Variants in TBXAS1 observed in about 807,000 individuals in gnomAD.
TBXAS1 encodes the protein thromboxane A synthase 1.
TBXAS1 carries 48 observed loss-of-function variants against 60.7 expected under a neutral mutation model. That is an observed-to-expected ratio of 0.79 (90% CI 0.63 to 1.01). The LOEUF (loss-of-function observed/expected upper bound fraction) is 1.01, where lower values mean the gene tolerates loss of function less well. Among genes scored for constraint, TBXAS1 ranks in the 50% least tolerant of loss-of-function variants. The pLI, the probability that TBXAS1 is intolerant of heterozygous loss-of-function variation, is 0.00. For missense variants in TBXAS1, 685 were observed against 686.3 expected (o/e 1.00, Z 0.02); for synonymous variants, 287 against 269.7 (o/e 1.06, Z -0.63).
intron 3 of TBXAS1, among the ~76,000 whole-genome samples, chr7:139,897,608 A>G (rs78414023): frequency 0.026 from 3,900 of 152,246 alleles, 158 homozygotes; most frequent in African/African-American, 0.089. Context: ...AAGTCTGGCC[A>G]GGAAGAGGAC....
chr7:139,876,995 A>C (rs1387365253), intron 3 of TBXAS1, among the ~76,000 whole-genome samples: 1 of 152,108 alleles, frequency 6.6e-6, no homozygotes, highest in Non-Finnish European at 1.5e-5. Context: ...AAGGGCAAAG[A>C]CTCAAGAGAG....
intron 11 of TBXAS1, chr7:140,016,326 T>TA (rs978996989): frequency 3.7e-4 from 81 of 216,158 alleles, no homozygotes; most frequent in African/African-American, 1.0e-3. Context: ...AGACTCTGTC[T>TA]AAAAAAAAAT....
chr7:139,850,820 T>C (rs1800166280), intron 1 of TBXAS1, among the ~76,000 whole-genome samples: 1 of 152,046 alleles, frequency 6.6e-6, no homozygotes. Context: ...GGGATGCATC[T>C]ACAAGCCAAA....
chr7:139,993,755 G>A lies in TBXAS1; in HGVS notation c.1135-13336G>A, dbSNP rs543554164. ...CGCATCCCAAGGCCTGAGGTCTAAC[G>A]CTGCCTCTGCCCCCTCCTTTGCTGT... On this transcript the variant is annotated intron_variant, in intron 9 of 12. Coordinates refer to ENST00000448866, the MANE Select transcript of TBXAS1 (RefSeq NM_001061.7). Among the ~76,000 whole-genome samples the A allele has an allele frequency of 4.6e-5, 7 of 152,154 alleles. No individual in the cohort carries two copies. The South Asian group carries it at 6.2e-4, about 13-fold the overall frequency.
chr7:139,886,386 ATTT>A (rs8192818), intron 3 of TBXAS1, among the ~76,000 whole-genome samples: 41 of 99,638 alleles, frequency 4.1e-4, no homozygotes, highest in African/African-American at 7.8e-4. Flanking sequence ...TTGCAGATGA[ATTT>A]TTTTTTTTTT....
chr7:139,965,411 G>C (rs896465653), intron 9 of TBXAS1, among the ~76,000 whole-genome samples: 3 of 152,170 alleles, frequency 2.0e-5, no homozygotes, highest in Admixed American at 6.5e-5. Context: ...ATAAGTCTGG[G>C]CTGGGACCCA....
chr7:139,962,273 T>C (rs2072179), intron 9 of TBXAS1, 40 bp downstream of exon 9: 70,858 of 1,608,976 alleles, frequency 0.044, 2,248 homozygotes, highest in Admixed American at 0.13. Flanking sequence ...GGGATATCCA[T>C]AGGACAATTG....
At chr7:139,959,644 G>A (rs1452686029) in intron 8 of TBXAS1, among the ~76,000 whole-genome samples, 1 of 152,156 alleles carries the variant, frequency 6.6e-6, no homozygotes, top group African/African-American at 2.4e-5. Context: ...TGTCTGGGCT[G>A]GGATAAGAGG....
intron 9 of TBXAS1, among the ~76,000 whole-genome samples, chr7:139,976,636 G>A (rs553117972): frequency 6.6e-6 from 1 of 152,210 alleles, no homozygotes; most frequent in African/African-American, 2.4e-5. Context: ...AGCCAGGGGT[G>A]TTTCCATGTC....
intron 4 of TBXAS1, among the ~76,000 whole-genome samples, chr7:139,791,719 G>A (rs902770408): frequency 4.0e-5 from 6 of 151,744 alleles, no homozygotes; most frequent in African/African-American, 1.4e-4. Context: ...CCCAGGCCCC[G>A]CACATCTATT....
At chr7:139,958,415 G>C (rs1360570520) in intron 8 of TBXAS1, among the ~76,000 whole-genome samples, 3 of 152,230 alleles carry the variant, frequency 2.0e-5, no homozygotes, top group Admixed American at 2.0e-4. Context: ...GGAGTTTTCA[G>C]TGGGAAGAAA....
intron 9 of TBXAS1, among the ~76,000 whole-genome samples, chr7:139,978,397 C>G (rs185424869): frequency 3.3e-5 from 5 of 151,776 alleles, no homozygotes; most frequent in Non-Finnish European, 5.9e-5. Context: ...GTAATTCCAG[C>G]TACTCGGGAG....
At chr7:140,012,789 CAA>C (rs1312097020) in intron 10 of TBXAS1, among the ~76,000 whole-genome samples, 3 of 152,128 alleles carry the variant, frequency 2.0e-5, no homozygotes, top group Non-Finnish European at 2.9e-5. Flanking sequence ...AGCGTGTGCT[CAA>C]CACTCGAAGT....
In TBXAS1 at chr7:139,865,923, G is replaced by GGGAAGGAAGGAAACGAGGGAA. The variant is rs1336353029; in HGVS notation, c.90-6302_90-6301insAAACGAGGGAAGGAAGGAAGG. Among the ~76,000 whole-genome samples the GGGAAGGAAGGAAACGAGGGAA allele has an allele frequency of 5.8e-3, 839 of 144,382 alleles. 11 individuals carry two copies. Among genetic ancestry groups the GGGAAGGAAGGAAACGAGGGAA allele is most frequent in the African/African-American group, 0.014 (509 of 36,752 alleles). The allele number at this position is 144,382 out of a possible 152,430, so 94.7% of individuals were successfully genotyped here. A position where few individuals can be genotyped will look rare whatever the true frequency, so the allele number is the denominator to read the frequency against. ...GAGGGAGGAAGGAAGGAAAGAGGGA[G>GGGAAGGAAGGAAACGAGGGAA]GGAAGGAAGGGAAGAAGGGAAGAAA... On this transcript the variant is annotated intron_variant, in intron 1 of 12. Transcript: ENST00000448866.
intron 4 of TBXAS1, among the ~76,000 whole-genome samples, chr7:139,930,568 TG>T (rs1407495445): frequency 6.6e-6 from 1 of 152,216 alleles, no homozygotes; most frequent in Non-Finnish European, 1.5e-5. Flanking sequence ...TGCATTATCC[TG>T]GCAAGCCCAA....
Position 140,007,143 on chromosome 7 carries a change from T to C in TBXAS1, c.1187T>C (p.Val396Ala). The C allele has an allele frequency of 1.9e-6, 3 of 1,614,084 alleles. No homozygotes were observed. Among genetic ancestry groups the C allele is most frequent in the Non-Finnish European group, 2.5e-6 (3 of 1,180,016 alleles). ...LEEGLPYLDM[V>A]IAETLRMYPP... ...GAAGGCCTGCCCTATCTGGACATGGTGATTGCAGAGACGCTGAGGATGTAC... is the reference window on the plus strand; with the variant it reads ...GAAGGCCTGCCCTATCTGGACATGGCGATTGCAGAGACGCTGAGGATGTAC... The change falls in exon 10 of 13, where the codon GTG becomes GCG. Residue 396 changes from valine to alanine, a missense_variant. Val to Ala is a moderately conservative substitution (Grantham distance 64). Coordinates refer to ENST00000448866, the MANE Select transcript of TBXAS1 (RefSeq NM_001061.7).
intron 9 of TBXAS1, among the ~76,000 whole-genome samples, chr7:139,977,678 C>A (rs1811663023): frequency 6.6e-6 from 1 of 152,136 alleles, no homozygotes; most frequent in Admixed American, 6.5e-5. Flanking sequence ...CTCCCTCCAC[C>A]ACCACCTCCA....
intron 3 of TBXAS1, among the ~76,000 whole-genome samples, chr7:139,879,960 C>T (rs1461913090): frequency 6.6e-6 from 1 of 152,042 alleles, no homozygotes; most frequent in African/African-American, 2.4e-5. Context: ...CAGCTCATGG[C>T]AACCTCCACC....
chr7:139,911,176 G>A (rs891648257), intron 3 of TBXAS1, 49 bp from the exon 4 acceptor site: 15 of 1,532,886 alleles, frequency 9.8e-6, no homozygotes, highest in African/African-American at 1.4e-5. Flanking sequence ...TTTTGGAAAG[G>A]AGAAATGGGT....
Sources: allele counts gnomAD v4.1 joint callset (sites outside exome capture counted in the v4.1 genomes callset), GRCh38; gene constraint gnomAD v4.1.1; transcripts MANE v1.5; gene names NCBI Gene and HGNC (gene_info 2026-07-23, HGNC 2026-07-21).